DCP1B: variants seen among roughly 807,000 people sequenced by gnomAD.
The protein encoded by DCP1B is mRNA-decapping enzyme 1B.
DCP1B carries 47 observed loss-of-function variants against 60.5 expected under a neutral mutation model. The ratio of observed to expected loss-of-function variants is 0.78; its 90% CI spans 0.61 to 0.99. The LOEUF (loss-of-function observed/expected upper bound fraction) is 0.99. Among genes scored for constraint, DCP1B ranks in the 50% least tolerant of loss-of-function variants. The pLI, the probability that DCP1B is intolerant of heterozygous loss-of-function variation, is 0.00. For synonymous variants in DCP1B, 267 were observed against 280.3 expected (o/e 0.95, Z 0.47); for missense variants, 725 against 756.8 (o/e 0.96, Z 0.49).
intron 3 of DCP1B, chr12:1,991,924 G>C (rs2039522899): frequency 5.9e-6 from 1 of 168,222 alleles, no homozygotes; most frequent in Non-Finnish European, 1.3e-5. Flanking sequence ...AGGTAACTTT[G>C]TAGTTATTTT....
rs1366272275 is a variant in DCP1B at position 1,962,174 on chromosome 12, G to C, written c.522+3384C>G. ...AACTCCAGCAGGCTCTAAACTGTAT[G>C]AGTGGTCCCCAGTTGCTGGGTACCT... On this transcript the variant is annotated intron_variant, in intron 5 of 8. Transcript: ENST00000280665. This position sits in a 1 kb window ranked among gnomAD's most constrained non-coding sequence, Gnocchi z 4.4. 6.6e-6 allele frequency among the ~76,000 whole-genome samples: 1 copy of C among 152,192 alleles called. No homozygotes were observed. Among genetic ancestry groups the C allele is most frequent in the Admixed American group, 6.5e-5 (1 of 15,278 alleles).
Position 1,948,950 on chromosome 12 carries a change from G to T in DCP1B, c.1773+136C>A. On this transcript the variant is annotated intron_variant, in intron 8 of 8. Coordinates refer to ENST00000280665, the MANE Select transcript of DCP1B (RefSeq NM_152640.5). This position sits in a 1 kb window ranked among gnomAD's most constrained non-coding sequence, Gnocchi z 4.8. ...CTAACTGAGCACAGAAGCCGCTGGG[G>T]TCAGGATGAGTTGTTACACACACCT... 2 of 1,164,442 alleles carry T rather than the reference G, an allele frequency of 1.7e-6. No individual in the cohort carries two copies. The highest frequency in any genetic ancestry group is 1.2e-6 in the Non-Finnish European group (1 of 828,052). The allele number at this position is 1,164,442 out of a possible 1,614,324, so 72.1% of individuals were successfully genotyped here. A position where few individuals can be genotyped will look rare whatever the true frequency, so the allele number is the denominator to read the frequency against.
At chr12:2,004,064 A>T in intron 1 of DCP1B, 2 of 640,876 alleles carry the variant, frequency 3.1e-6, no homozygotes, top group Non-Finnish European at 5.3e-6. Flanking sequence ...TTAGAGATTT[A>T]AGTCTTTTCC....
chr12:1,984,778 TAAAA>T (rs764705302), intron 3 of DCP1B, among the ~76,000 whole-genome samples: 3 of 81,334 alleles, frequency 3.7e-5, no homozygotes, highest in Admixed American at 1.5e-4. Flanking sequence ...GGTCTTCTGG[TAAAA>T]AAAAAAAAAA....
chr12:1,953,431 G>GA, intron 6 of DCP1B, 143 bp from the exon 7 acceptor site: 2 of 1,068,460 alleles, frequency 1.9e-6, no homozygotes, highest in Non-Finnish European at 2.5e-6. Flanking sequence ...TAATAAACTT[G>GA]AAAAATGAGA....
chr12:1,979,510 CCATGTTGGCCAGG>C (rs2154463841), intron 3 of DCP1B, among the ~76,000 whole-genome samples: 1 of 152,204 alleles, frequency 6.6e-6, no homozygotes, highest in South Asian at 2.1e-4. Flanking sequence ...GGGGGTTTCA[CCATGTTGGCCAGG>C]CTCGTCTCGA....
downstream of DCP1B, chr12:1,946,041 A>C (rs1293192437): frequency 1.9e-6 from 1 of 534,194 alleles, no homozygotes; most frequent in East Asian, 3.2e-5. Context: ...TAATAATTAA[A>C]AAACACTTGA....
intron 6 of DCP1B, 128 bp downstream of exon 6, chr12:1,955,304 C>T: frequency 8.8e-7 from 1 of 1,137,326 alleles, no homozygotes. Context: ...ATTCTGAAAT[C>T]CCGCTTTCTT....
chr12:2,003,286 A>G (rs1295490408), intron 1 of DCP1B, among the ~76,000 whole-genome samples: 1 of 152,212 alleles, frequency 6.6e-6, no homozygotes, highest in African/African-American at 2.4e-5. Flanking sequence ...GTTTTCCTAG[A>G]TTAAGTTTTG....
chr12:1,950,407 A>G, intron 7 of DCP1B: 1 of 702,368 alleles, frequency 1.4e-6, no homozygotes, highest in Non-Finnish European at 2.6e-6. Context: ...GTACATCAGA[A>G]ATTTAAGTCA....
In DCP1B at chr12:1,949,229, C is replaced by G. The variant is rs773364842; in HGVS notation, c.1630G>C (p.Gly544Arg). 1 of 1,614,118 alleles carries G rather than the reference C, an allele frequency of 6.2e-7. No homozygotes were observed. The highest frequency in any genetic ancestry group is 1.1e-5 in the South Asian group (1 of 91,078). Residue 544 changes from glycine to arginine, a missense_variant, in exon 8 of 9, where the codon GGC becomes CGC. By Grantham distance (125) the Gly-to-Arg change is moderately radical (BLOSUM62 -2). Coordinates refer to ENST00000280665, the MANE Select transcript of DCP1B (RefSeq NM_152640.5). Reference protein sequence around the residue: ...TSVPPKERESGLLPVGGQEPP... With the variant: ...TSVPPKERESRLLPVGGQEPP... ...TCCTGGCCTCCCACAGGCAAGAGGC[C>G]GCTCTCCCTTTCCTTTGGCGGGACG...
chr12:1,994,994 T>C (rs943108034), intron 2 of DCP1B, among the ~76,000 whole-genome samples: 14 of 150,226 alleles, frequency 9.3e-5, no homozygotes, highest in African/African-American at 3.4e-4. Flanking sequence ...TGGGAGGTTT[T>C]TGTTTTGCAG....
chr12:1,997,846 A>C (rs1475109582), intron 2 of DCP1B, 89 bp downstream of exon 2: 38 of 1,074,110 alleles, frequency 3.5e-5, no homozygotes, highest in Non-Finnish European at 2.6e-5. Context: ...TTTTGAAATA[A>C]AACTGCATGC....
Position 1,946,272 on chromosome 12 carries a change from G to A in DCP1B, c.1788C>T (p.Phe596=), listed in dbSNP as rs756173531. The change falls in exon 9 of 9, where the codon TTC becomes TTT. Residue 596 remains phenylalanine, a synonymous_variant. Transcript: ENST00000280665. The stretch of plus-strand genomic sequence containing the variant: ...GATAGGCTTCATAGATTATATTTAA[G>A]AAGTTGTCATCATTCTGGAAAACAA... ...LLYLIQNDDN[F]LNIIYEAYLF... 36 of 1,604,468 alleles carry A rather than the reference G, an allele frequency of 2.2e-5. No homozygotes were observed. The highest frequency in any genetic ancestry group is 5.2e-5 in the Admixed American group (3 of 58,150).
In DCP1B at chr12:1,948,568, T is replaced by C. The variant is rs776856918; in HGVS notation, c.1773+518A>G. ...AGTGAGGCTAGCAGCTCACAAGGAG[T>C]CCTGTCACTCCATCCCGTCCTAATG... On this transcript the variant is annotated intron_variant, in intron 8 of 8. Transcript: ENST00000280665. This position sits in a 1 kb window ranked among gnomAD's most constrained non-coding sequence, Gnocchi z 4.8. Among the ~76,000 whole-genome samples the C allele has an allele frequency of 2.6e-5, 4 of 152,118 alleles. No homozygotes were observed. Among genetic ancestry groups the C allele is most frequent in the Non-Finnish European group, 4.4e-5 (3 of 68,016 alleles).
At chr12:1,993,201 C>G in intron 3 of DCP1B, 63 bp downstream of exon 3, 1 of 1,610,722 alleles carries the variant, frequency 6.2e-7, no homozygotes, top group Non-Finnish European at 8.5e-7. Context: ...AAACACTGTA[C>G]AATTTTAAAC....
chr12:1,965,470 C>T, intron 5 of DCP1B, 88 bp downstream of exon 5: 2 of 1,357,956 alleles, frequency 1.5e-6, no homozygotes, highest in Non-Finnish European at 1.9e-6. Context: ...GAAGGAACAG[C>T]ATCCACAGTA....
chr12:1,981,872 A>AAAAAGAATATTT (rs2036238964), intron 3 of DCP1B, among the ~76,000 whole-genome samples: 1 of 152,174 alleles, frequency 6.6e-6, no homozygotes, highest in Non-Finnish European at 1.5e-5. Flanking sequence ...TTTAAGGAGA[A>AAAAAGAATATTT]AAAAGAATAT....
chr12:1,983,859 A>C (rs532203049), intron 3 of DCP1B, among the ~76,000 whole-genome samples: 8 of 151,798 alleles, frequency 5.3e-5, no homozygotes, highest in African/African-American at 1.7e-4. Flanking sequence ...AAAAACAAAA[A>C]CTTCTCCTTT....
Sources: gnomAD v4.1 joint callset for allele counts (sites outside exome capture counted in the v4.1 genomes callset) on GRCh38, gnomAD v4.1.1 for gene constraint, Gnocchi (gnomAD v3.1) non-coding constraint, MANE v1.5 for transcripts, NCBI Gene and HGNC (gene_info 2026-07-23, HGNC 2026-07-21) for gene names.